DCC: variants seen among roughly 807,000 people sequenced by gnomAD.
DCC encodes the protein DCC netrin 1 receptor, also known as netrin receptor DCC.
DCC carries 58 observed loss-of-function variants against 172.5 expected under a neutral mutation model. The observed-to-expected ratio is 0.34, with a 90% CI of 0.27 to 0.42. The LOEUF (loss-of-function observed/expected upper bound fraction) is 0.42. Among genes scored for constraint, DCC ranks in the 10% least tolerant of loss-of-function variants. The pLI, the probability that DCC is intolerant of heterozygous loss-of-function variation, is 1.00. For synonymous variants in DCC, 709 were observed against 644.5 expected (o/e 1.10, Z -1.52); for missense variants, 1,740 against 1,791.0 (o/e 0.97, Z 0.51).
chr18:52,950,548 C>T (rs2040622868), intron 5 of DCC, among the ~76,000 whole-genome samples: 1 of 152,180 alleles, frequency 6.6e-6, no homozygotes, highest in Non-Finnish European at 1.5e-5. Flanking sequence ...GTGGCCAGGC[C>T]ATTTAACTCA....
chr18:53,191,603 C>T (rs2055367582), intron 9 of DCC, among the ~76,000 whole-genome samples: 1 of 152,038 alleles, frequency 6.6e-6, no homozygotes, highest in African/African-American at 2.4e-5. Context: ...TGTCTTATGT[C>T]CAGTCAAAAG....
intron 7 of DCC, among the ~76,000 whole-genome samples, chr18:53,124,509 ACT>A (rs2043527264): frequency 6.6e-6 from 1 of 151,824 alleles, no homozygotes; most frequent in Admixed American, 6.6e-5. Flanking sequence ...TGCTTGTTGA[ACT>A]CTCTACATTC....
At chr18:52,722,208 C>A (rs1285405863) in intron 1 of DCC, among the ~76,000 whole-genome samples, 1 of 152,144 alleles carries the variant, frequency 6.6e-6, no homozygotes, top group East Asian at 1.9e-4. Context: ...CCAAAAGGAA[C>A]CACTTTGAAT....
chr18:53,517,772 C>T (rs1000532670), intron 27 of DCC, among the ~76,000 whole-genome samples: 1 of 151,948 alleles, frequency 6.6e-6, no homozygotes. Context: ...TGTTTCTCTC[C>T]CCAGAAGTGG....
chr18:52,460,173 A>T (rs1289969324), intron 1 of DCC, among the ~76,000 whole-genome samples: 2 of 152,086 alleles, frequency 1.3e-5, no homozygotes, highest in Non-Finnish European at 2.9e-5. Context: ...TGTATATCAA[A>T]ACTTACTTTA....
intron 1 of DCC, among the ~76,000 whole-genome samples, chr18:52,618,756 C>T (rs966192148): frequency 2.6e-5 from 4 of 152,150 alleles, no homozygotes; most frequent in African/African-American, 9.7e-5. Context: ...TCAATACCAC[C>T]TATTGCTTTA....
At chr18:53,329,384 C>A (rs68096834) in intron 14 of DCC, among the ~76,000 whole-genome samples, 25,284 of 151,794 alleles carry the variant, frequency 0.17, 2,647 homozygotes, top group African/African-American at 0.29. Flanking sequence ...TATTACAAGA[C>A]ACTGCACTAA....
intron 1 of DCC, among the ~76,000 whole-genome samples, chr18:52,539,580 C>G (rs2032382123): frequency 6.6e-6 from 1 of 152,152 alleles, no homozygotes. Flanking sequence ...AATCTAATGC[C>G]TGATGAGCTG....
intron 9 of DCC, among the ~76,000 whole-genome samples, chr18:53,200,058 CTGT>C (rs1484946068): frequency 6.6e-6 from 1 of 152,062 alleles, no homozygotes; most frequent in Non-Finnish European, 1.5e-5. Flanking sequence ...AAAACGCATC[CTGT>C]TGTTGTGAAT....
At chr18:53,277,994 A>C (rs1705782159) in intron 12 of DCC, among the ~76,000 whole-genome samples, 1 of 152,156 alleles carries the variant, frequency 6.6e-6, no homozygotes, top group Admixed American at 6.6e-5. Context: ...TATGTTAGGT[A>C]TTCTGTTCAC....
chr18:53,121,284 C>G (rs961671302), intron 7 of DCC, among the ~76,000 whole-genome samples: 1 of 151,896 alleles, frequency 6.6e-6, no homozygotes, highest in Non-Finnish European at 1.5e-5. Flanking sequence ...ATTGTAACCA[C>G]TCTGAAATAC....
chr18:53,158,289 C>A (rs958303462), intron 8 of DCC, among the ~76,000 whole-genome samples: 3 of 152,148 alleles, frequency 2.0e-5, no homozygotes, highest in Non-Finnish European at 4.4e-5. Context: ...CAAAAGTGAG[C>A]TGTACATATC....
At chr18:52,997,024 G>T (rs932471781) in intron 5 of DCC, among the ~76,000 whole-genome samples, 6 of 151,952 alleles carry the variant, frequency 3.9e-5, no homozygotes, top group African/African-American at 1.4e-4. Flanking sequence ...ATCCTTACAC[G>T]TTTGTATCCC....
intron 5 of DCC, among the ~76,000 whole-genome samples, chr18:52,986,381 G>C (rs1436864810): frequency 6.6e-6 from 1 of 152,136 alleles, no homozygotes; most frequent in Admixed American, 6.6e-5. Flanking sequence ...TTCTTAGACA[G>C]ACTTTCCTAT....
In DCC at chr18:53,178,988, C is replaced by A. The variant is rs2055152443; in HGVS notation, c.1445C>A (p.Pro482His). 1 of 1,613,962 alleles carries A rather than the reference C, an allele frequency of 6.2e-7. No homozygotes were observed. Among genetic ancestry groups the A allele is most frequent in the Admixed American group, 1.7e-5 (1 of 59,988 alleles). Residue 482 changes from proline (P) to histidine (H), a missense_variant, in exon 9 of 29, where the codon CCT (proline) becomes CAT (histidine). Around this residue, in one of 2 missense-constraint regions of DCC, gnomAD observed 1,732 missense variants for 1,767.4 expected, o/e 0.98. Transcript: ENST00000442544. ...GAACGAGCATTGAATACAACACAGC[C>A]TGGGTCCCTTCAGCTCACTGTGGGA... ...NRERALNTTQ[P>H]GSLQLTVGNL...
intron 15 of DCC, among the ~76,000 whole-genome samples, chr18:53,380,909 G>A (rs1303486650): frequency 6.6e-6 from 1 of 152,136 alleles, no homozygotes; most frequent in Non-Finnish European, 1.5e-5. Context: ...GATGTGCACA[G>A]CATAGTAGGT....
intron 5 of DCC, among the ~76,000 whole-genome samples, chr18:53,004,845 T>C (rs943408706): frequency 1.3e-5 from 2 of 152,190 alleles, no homozygotes; most frequent in Non-Finnish European, 2.9e-5. Flanking sequence ...TTCTATTTTA[T>C]CATTGCTGTG....
At chr18:52,523,651 T>A (rs2031890134) in intron 1 of DCC, among the ~76,000 whole-genome samples, 1 of 152,218 alleles carries the variant, frequency 6.6e-6, no homozygotes, top group African/African-American at 2.4e-5. Context: ...GGCAACTTAA[T>A]CTAAAAAGGT....
At chr18:52,855,977 T>G (rs1448330617) in intron 2 of DCC, among the ~76,000 whole-genome samples, 1 of 151,818 alleles carries the variant, frequency 6.6e-6, no homozygotes, top group Non-Finnish European at 1.5e-5. Context: ...GTTGGCCAGG[T>G]TGGTTTTGAA....
Sources: allele counts gnomAD v4.1 joint callset (sites outside exome capture counted in the v4.1 genomes callset), GRCh38; gene constraint gnomAD v4.1.1; regional missense constraint gnomAD v4.1.1; transcripts MANE v1.5; gene names NCBI Gene and HGNC (gene_info 2026-07-23, HGNC 2026-07-21).